The following LRP1B variants were observed in gnomAD, a reference collection of about 807,000 sequenced individuals.
LRP1B encodes the protein low-density lipoprotein receptor-related protein 1B.
LRP1B carries 217 observed loss-of-function variants against 556.6 expected under a neutral mutation model. The ratio of observed to expected loss-of-function variants is 0.39; its 90% CI spans 0.35 to 0.44. The LOEUF is 0.44. Ranked by LOEUF, LRP1B falls within the 20% of genes least tolerant of loss-of-function variation. The probability of loss-of-function intolerance (pLI) is 1.00; values close to 1 mark genes in which losing one functional copy is unlikely to be tolerated. For missense variants in LRP1B, 5,053 were observed against 5,620.8 expected, an observed-to-expected ratio of 0.90 and a Z score of 3.23; for synonymous variants, 2,047 against 1,865.8, an observed-to-expected ratio of 1.10 and a Z score of -2.50.
At chr2:140,532,954 A>ATATATCTATATCTATATC (rs1690782492) in intron 47 of LRP1B, among the ~76,000 whole-genome samples, 5 of 54,608 alleles carry the variant, frequency 9.2e-5, no homozygotes, top group South Asian at 9.6e-4. Context: ...ATATACACAT[A>ATATATCTATATCTATATC]TATATCTCGA....
intron 2 of LRP1B, among the ~76,000 whole-genome samples, chr2:141,582,273 A>G (rs1329423584): frequency 1.3e-5 from 2 of 152,240 alleles, no homozygotes; most frequent in South Asian, 2.1e-4. Context: ...TAATTAGTTC[A>G]GAAATGTAAG....
At chr2:141,204,895 G>A (rs915168180) in intron 6 of LRP1B, among the ~76,000 whole-genome samples, 12 of 151,828 alleles carry the variant, frequency 7.9e-5, no homozygotes, top group African/African-American at 2.9e-4. Context: ...CAAGATCATG[G>A]CACTGCACCC....
chr2:141,872,918 A>C (rs1419932940), intron 1 of LRP1B, among the ~76,000 whole-genome samples: 2 of 152,026 alleles, frequency 1.3e-5, no homozygotes, highest in Admixed American at 1.3e-4. Context: ...GCTACACGAA[A>C]ACACATTTAA....
At chr2:141,096,661 AGAGAGAGAGAGAGAG>A (rs1700323365) in intron 7 of LRP1B, among the ~76,000 whole-genome samples, 1 of 84,728 alleles carries the variant, frequency 1.2e-5, no homozygotes, top group East Asian at 9.8e-4. Context: ...AGAGAGAGAG[AGAGAGAGAGAGAGAG>A]AGAGAGAGAG....
intron 2 of LRP1B, among the ~76,000 whole-genome samples, chr2:141,633,532 T>G (rs1688987728): frequency 6.6e-6 from 1 of 152,096 alleles, no homozygotes; most frequent in Admixed American, 6.6e-5. Flanking sequence ...GGAAAGTGTT[T>G]GCCTCTGAAT....
intron 41 of LRP1B, among the ~76,000 whole-genome samples, chr2:140,676,891 A>C (rs1685688552): frequency 6.6e-6 from 1 of 152,248 alleles, no homozygotes; most frequent in Admixed American, 6.5e-5. Context: ...TATCATAAAC[A>C]ATAGAGATAC....
chr2:141,269,429 G>A (rs1427092499), intron 3 of LRP1B, among the ~76,000 whole-genome samples: 1 of 152,186 alleles, frequency 6.6e-6, no homozygotes, highest in African/African-American at 2.4e-5. Flanking sequence ...GACCGTGCAA[G>A]CTATCTGCTA....
chr2:141,479,075 C>T (rs868632317), intron 3 of LRP1B, among the ~76,000 whole-genome samples: 1 of 152,088 alleles, frequency 6.6e-6, no homozygotes, highest in Non-Finnish European at 1.5e-5. Flanking sequence ...ACAGAGTCAG[C>T]GTAATTGGAC....
intron 1 of LRP1B, among the ~76,000 whole-genome samples, chr2:142,116,240 CAATT>C (rs1707271576): frequency 6.9e-6 from 1 of 144,894 alleles, no homozygotes; most frequent in Non-Finnish European, 1.5e-5. Context: ...TCACCTCACT[CAATT>C]GATCAAGATT....
intron 7 of LRP1B, among the ~76,000 whole-genome samples, chr2:141,122,763 G>A (rs528741046): frequency 1.3e-5 from 2 of 152,118 alleles, no homozygotes; most frequent in Non-Finnish European, 2.9e-5. Context: ...TATACCTAAA[G>A]GTTTATAAAT....
chr2:141,363,375 T>C (rs1688907194), intron 3 of LRP1B, among the ~76,000 whole-genome samples: 1 of 152,180 alleles, frequency 6.6e-6, no homozygotes, highest in South Asian at 2.1e-4. Context: ...GCCACGTAAC[T>C]ACAAATTTTT....
At chr2:140,431,451 G>T (rs987183275) in intron 66 of LRP1B, among the ~76,000 whole-genome samples, 4 of 151,978 alleles carry the variant, frequency 2.6e-5, no homozygotes, top group African/African-American at 9.7e-5. Context: ...CTGTCTAGTC[G>T]TACTCCTGTT....
At chr2:140,280,840 C>T (rs944130103) in intron 84 of LRP1B, among the ~76,000 whole-genome samples, 6 of 151,880 alleles carry the variant, frequency 4.0e-5, no homozygotes, top group African/African-American at 1.2e-4. Context: ...TGTAACTAAT[C>T]TGTTCTAAGA....
At chr2:141,540,243 G>A (rs570234152) in intron 2 of LRP1B, among the ~76,000 whole-genome samples, 21 of 151,812 alleles carry the variant, frequency 1.4e-4, no homozygotes, top group African/African-American at 4.8e-4. Flanking sequence ...GAACAAAGAA[G>A]CCAATGTGAA....
At chr2:142,035,864 G>A (rs2105205728) in intron 1 of LRP1B, among the ~76,000 whole-genome samples, 1 of 151,812 alleles carries the variant, frequency 6.6e-6, no homozygotes, top group South Asian at 2.1e-4. Flanking sequence ...CCCAGTGGGA[G>A]GTAATTGAAT....
At chr2:141,845,188 A>G (rs998244972) in intron 1 of LRP1B, among the ~76,000 whole-genome samples, 1 of 151,834 alleles carries the variant, frequency 6.6e-6, no homozygotes, top group African/African-American at 2.4e-5. Flanking sequence ...TATTTTTTAG[A>G]TAGAAAACAA....
chr2:141,718,815 T>C (rs967436984), intron 2 of LRP1B, among the ~76,000 whole-genome samples: 2 of 152,186 alleles, frequency 1.3e-5, no homozygotes, highest in Non-Finnish European at 2.9e-5. Context: ...CAATTAGTTC[T>C]AGGAACAGGA....
At chr2:140,603,989 C>G (rs970515558) in intron 41 of LRP1B, among the ~76,000 whole-genome samples, 5 of 151,926 alleles carry the variant, frequency 3.3e-5, no homozygotes, top group African/African-American at 1.2e-4. Flanking sequence ...TGTGTTTGAA[C>G]ATTGAGATTC....
In LRP1B at chr2:141,005,404, T is replaced by G. The variant is rs2105373816; in HGVS notation, c.2434A>C (p.Ile812Leu). The change falls in exon 15 of 91, where the codon ATC becomes CTC. Residue 812 changes from isoleucine to leucine, a missense_variant. Physicochemically the swap from Ile to Leu is conservative, Grantham distance 5. Coordinates refer to ENST00000389484, the MANE Select transcript of LRP1B (RefSeq NM_018557.3). ...NGGCSTLCLAIPGGRVCACAD... is the reference protein window; with the variant it reads ...NGGCSTLCLALPGGRVCACAD... Reference sequence around the variant, plus strand: ...CAAGCACACACCCGGCCTCCTGGGATAGCCAAGCAAAGTGTACTACAGCCC... The same window carrying G: ...CAAGCACACACCCGGCCTCCTGGGAGAGCCAAGCAAAGTGTACTACAGCCC... The G allele has an allele frequency of 6.2e-7, 1 of 1,611,616 alleles. No homozygotes were observed. The highest frequency in any genetic ancestry group is 8.5e-7 in the Non-Finnish European group (1 of 1,178,392).
Sources: gnomAD v4.1 joint callset for allele counts (sites outside exome capture counted in the v4.1 genomes callset) on GRCh38, gnomAD v4.1.1 for gene constraint, MANE v1.5 for transcripts, NCBI Gene and HGNC (gene_info 2026-07-23, HGNC 2026-07-21) for gene names.